The following SZT2 variants were observed in gnomAD, a reference collection of about 807,000 sequenced individuals.
The protein encoded by SZT2 is KICSTOR complex protein SZT2.
SZT2 carries 216 observed loss-of-function variants against 404.2 expected under a neutral mutation model. The ratio of observed to expected loss-of-function variants is 0.53; its 90% CI spans 0.48 to 0.60. The LOEUF is 0.60. SZT2 is among the 20% of genes least tolerant of loss of function. The pLI, the probability that SZT2 is intolerant of heterozygous loss-of-function variation, is 0.00. For missense variants in SZT2, 3,857 were observed against 4,459.2 expected, an observed-to-expected ratio of 0.86 and a Z score of 3.85; for synonymous variants, 1,693 against 1,749.9, an observed-to-expected ratio of 0.97 and a Z score of 0.81.
At position 43,442,232 on chromosome 1, in the gene SZT2, C is replaced by T. The variant is rs773269587; in HGVS notation, c.7874-36C>T. 6.2e-7 allele frequency: 1 copy of T among 1,604,470 alleles called. No individual in the cohort carries two copies. Among genetic ancestry groups the T allele is most frequent in the Admixed American group, 1.7e-5 (1 of 59,272 alleles). On this transcript the variant is annotated intron_variant, in intron 56 of 71. Coordinates refer to ENST00000634258, the MANE Select transcript of SZT2 (RefSeq NM_001365999.1). This position sits in a 1 kb window ranked among gnomAD's most constrained non-coding sequence, Gnocchi z 4.5. ...AGGGTGGGATCAAGGGGGATCTGTT[C>T]CCAGGCCCCTATTGTGCCCCTCCCC...
rs749244836 is a variant in SZT2 at position 43,403,744 on chromosome 1, G to A, written c.297G>A (p.Glu99=). Residue 99 remains glutamate, a synonymous_variant, in exon 3 of 72, where the codon GAG becomes GAA. Coordinates refer to ENST00000634258, the MANE Select transcript of SZT2 (RefSeq NM_001365999.1). ...CTTGGCAGTATCGGTTTGTCATTGA[G>A]TTGGACCTTAGCCCATCTACTGGCA... ...FLAWQYRFVI[E]LDLSPSTGIV... 5.0e-6 allele frequency: 8 copies of A among 1,614,058 alleles called. No homozygotes were observed. Among genetic ancestry groups the A allele is most frequent in the South Asian group, 4.4e-5 (4 of 91,086 alleles).
chr1:43,446,445 G>T lies in SZT2; in HGVS notation c.9072+29G>T, dbSNP rs775416111. ...TGTGAATGAGCTGCGGGCACAGTCAGTGCACCCCAGTGTGCTGTGGGCAGC... is the reference window on the plus strand; with the variant it reads ...TGTGAATGAGCTGCGGGCACAGTCATTGCACCCCAGTGTGCTGTGGGCAGC... On this transcript the variant is annotated intron_variant, in intron 65 of 71. Transcript: ENST00000634258. The T allele has an allele frequency of 3.1e-6, 5 of 1,613,640 alleles. No individual in the cohort carries two copies. In the Admixed American group the frequency reaches 6.7e-5, roughly 22 times the overall value.
Position 43,438,822 on chromosome 1 carries a change from G to C in SZT2, c.6627+5G>C, listed in dbSNP as rs1321160910. Reference sequence around the variant, plus strand: ...CTGACACCAGCTGATGTGGAGGTCAGCTCCCCTCTAGGCACCAGCATCCTT... The same window carrying C: ...CTGACACCAGCTGATGTGGAGGTCACCTCCCCTCTAGGCACCAGCATCCTT... On this transcript the variant is annotated splice_donor_5th_base_variant and intron_variant, in intron 47 of 71. Coordinates refer to ENST00000634258, the MANE Select transcript of SZT2 (RefSeq NM_001365999.1). 4 of 1,612,776 alleles carry C rather than the reference G, an allele frequency of 2.5e-6. No homozygotes were observed. The highest frequency in any genetic ancestry group is 3.4e-6 in the Non-Finnish European group (4 of 1,179,074).
Position 43,432,802 on chromosome 1 carries a change from A to G in SZT2, c.5602+3A>G, listed in dbSNP as rs1320871534. On this transcript the variant is annotated splice_donor_region_variant and intron_variant, in intron 39 of 71. Coordinates refer to ENST00000634258, the MANE Select transcript of SZT2 (RefSeq NM_001365999.1). ...CAGTGTGGACTCAGACCACCTAGGT[A>G]AGCTGGGGGGACGGGGTGAAGGACT... is the stretch of plus-strand genomic sequence containing the variant. 1.2e-6 allele frequency: 2 copies of G among 1,613,450 alleles called. No individual in the cohort carries two copies. Among genetic ancestry groups the G allele is most frequent in the Non-Finnish European group, 1.7e-6 (2 of 1,179,776 alleles).
In SZT2 at chr1:43,433,147, G is replaced by A. The variant is rs992497725; in HGVS notation, c.5761G>A (p.Val1921Ile). The part of the protein sequence containing the change: ...GPCLPDFWLI[V>I]RVLQDRVEVY... ...CTGCCTGCCTGACTTCTGGCTCATT[G>A]TCCGGGTCCTGCAGGACCGTGTGGA... is the stretch of plus-strand genomic sequence containing the variant. The change falls in exon 40 of 72, where the codon GTC becomes ATC. Residue 1921 changes from valine to isoleucine, a missense_variant. Val to Ile is a conservative substitution (Grantham distance 29). Transcript: ENST00000634258. The A allele has an allele frequency of 2.5e-6, 4 of 1,613,960 alleles. No individual in the cohort carries two copies. The highest frequency in any genetic ancestry group is 2.2e-5 in the East Asian group (1 of 44,898).
chr1:43,391,429 G>A (rs839757), intron 1 of SZT2, among the ~76,000 whole-genome samples: 99,833 of 152,120 alleles, frequency 0.66, 32,953 homozygotes, highest in African/African-American at 0.69. Context: ...CATGGTATAA[G>A]TAATAAAGTA....
rs747078636 is a variant in SZT2, at chr1:43,420,772, C to G, written c.1285C>G (p.Leu429Val). ...AGGAGGGTCCCAATTGGAGGTAAAGCTGGTGCTGCTGTGGAAACACAACAT... is the reference window on the plus strand; with the variant it reads ...AGGAGGGTCCCAATTGGAGGTAAAGGTGGTGCTGCTGTGGAAACACAACAT... ...AKGGSQLEVK[L>V]VLLWKHNMRI... The change falls in exon 10 of 72, where the codon CTG becomes GTG. Residue 429 changes from leucine to valine, a missense_variant. Transcript: ENST00000634258. This position sits in a 1 kb window ranked among gnomAD's most constrained non-coding sequence, Gnocchi z 5.1. 2.5e-6 allele frequency: 4 copies of G among 1,598,426 alleles called. No individual in the cohort carries two copies. The South Asian group carries it at 4.4e-5, about 18-fold the overall frequency.
rs112850737 is a variant in SZT2 at position 43,423,987 on chromosome 1, A to G, written c.2256-230A>G. ...AGCAGGGTATGAGTGGTACAGAGGC[A>G]TGGAAGGGCGTGGCTTAGCCGGGTA... On this transcript the variant is annotated intron_variant, in intron 15 of 71. Transcript: ENST00000634258. Among the ~76,000 whole-genome samples, 208 of 105,186 alleles carry G rather than the reference A, an allele frequency of 2.0e-3. No homozygotes were observed. The East Asian group carries it at 0.036, about 18-fold the overall frequency. 69.0% of individuals were successfully genotyped at this position (105,186 alleles called of 152,430 possible).
Position 43,426,767 on chromosome 1 carries a change from C to T in SZT2, c.3267C>T (p.Val1089=), listed in dbSNP as rs147008168. The T allele has an allele frequency of 1.4e-3, 2,235 of 1,613,708 alleles. 33 individuals are homozygous for T. In the East Asian group the frequency reaches 0.021, roughly 15 times the overall value. The change falls in exon 23 of 72, where the codon GTC becomes GTT. Residue 1089 remains valine, a synonymous_variant. Transcript: ENST00000634258. This position sits in a 1 kb window ranked among gnomAD's most constrained non-coding sequence, Gnocchi z 4.9. ...GVHGIPKEQA[V]GSTQATGDSA... is the part of the protein sequence containing the mutation. ...ATGGGATCCCGAAGGAGCAAGCAGT[C>T]GGCAGCACCCAGGCCACAGGAGACT...
chr1:43,415,543 T>G (rs141565001), intron 5 of SZT2, among the ~76,000 whole-genome samples: 2 of 152,246 alleles, frequency 1.3e-5, no homozygotes, highest in African/African-American at 4.8e-5. Flanking sequence ...TAAAGCTGCC[T>G]AGGCCCACTA....
Position 43,425,694 on chromosome 1 carries a change from A to G in SZT2, c.2814+52A>G, listed in dbSNP as rs757092621. 2 of 1,606,362 alleles carry G rather than the reference A, an allele frequency of 1.2e-6. No individual in the cohort carries two copies. Among genetic ancestry groups the G allele is most frequent in the South Asian group, 1.1e-5 (1 of 90,694 alleles). ...ACCTCTCTCACTGGATTGGGGTGCC[A>G]TCTCTTTTGGAGTACTGCAGTCTGT... On this transcript the variant is annotated intron_variant, in intron 19 of 71. Coordinates refer to ENST00000634258, the MANE Select transcript of SZT2 (RefSeq NM_001365999.1). The surrounding 1 kb of genome is among the most constrained non-coding windows in gnomAD (Gnocchi z 4.3).
Position 43,452,060 on chromosome 1 carries a change from TC to T in SZT2, c.*1585del, listed in dbSNP as rs768969523. ...TGAATAGAGCTCCTTCCCAAGTTTG[TC>T]CCCCATCAGTCAGTCACTGGTCAAG... On this transcript the variant is annotated 3_prime_UTR_variant, in exon 72 of 72. Coordinates refer to ENST00000634258, the MANE Select transcript of SZT2 (RefSeq NM_001365999.1). The T allele has an allele frequency of 6.4e-7, 1 of 1,570,862 alleles. No individual in the cohort carries two copies. The highest frequency in any genetic ancestry group is 8.7e-7 in the Non-Finnish European group (1 of 1,150,190).
chr1:43,417,778 A>G (rs748903491), intron 7 of SZT2, among the ~76,000 whole-genome samples: 7 of 152,200 alleles, frequency 4.6e-5, no homozygotes, highest in Non-Finnish European at 1.0e-4. Flanking sequence ...CTTGAGAGGT[A>G]GAGATTTAAG....
At position 43,448,453 on chromosome 1, in the gene SZT2, C is replaced by T. The variant is rs201695619; in HGVS notation, c.9938C>T (p.Ala3313Val). The change falls in exon 69 of 72, where the codon GCC (alanine) becomes GTC (valine). Residue 3313 changes from alanine (A) to valine (V), a missense_variant. Physicochemically the swap from Ala to Val is moderately conservative, Grantham distance 64 (BLOSUM62 0). This residue lies in a region of SZT2 where 717 missense variants were observed against 868.2 expected (regional missense o/e 0.83). Coordinates refer to ENST00000634258, the MANE Select transcript of SZT2 (RefSeq NM_001365999.1). This position sits in a 1 kb window ranked among gnomAD's most constrained non-coding sequence, Gnocchi z 4.2. The stretch of plus-strand genomic sequence containing the variant: ...GAGGAACTCCTAGAAGCAGTCCATG[C>T]CAAATCCATTGGGGACATCGACCCC... ...ELEELLEAVH[A>V]KSIGDIDPQL... is the part of the protein sequence containing the mutation. 71 of 1,610,164 alleles carry T rather than the reference C, an allele frequency of 4.4e-5. 1 individual carries two copies. The East Asian group carries it at 1.1e-3, about 25-fold the overall frequency.
chr1:43,420,661 T>G lies in SZT2; in HGVS notation c.1262-88T>G. 177 of 1,280,148 alleles carry G rather than the reference T, an allele frequency of 1.4e-4. No homozygotes were observed. The highest frequency in any genetic ancestry group is 2.6e-4 in the Middle Eastern group (1 of 3,830). 79.3% of individuals were successfully genotyped at this position (1,280,148 alleles called of 1,614,324 possible). Reference sequence around the variant, plus strand: ...GAACCTTTGGCAGGACTGGGTTCCATGAGGTAGGTGGGGGTTTCAGATAGA... The same window carrying G: ...GAACCTTTGGCAGGACTGGGTTCCAGGAGGTAGGTGGGGGTTTCAGATAGA... On this transcript the variant is annotated intron_variant, in intron 9 of 71. Transcript: ENST00000634258. The surrounding 1 kb of genome is among the most constrained non-coding windows in gnomAD (Gnocchi z 5.1).
intron 28 of SZT2, 89 bp downstream of exon 28, chr1:43,428,575 C>G: frequency 6.6e-7 from 1 of 1,522,402 alleles, no homozygotes; most frequent in Non-Finnish European, 8.8e-7. Flanking sequence ...AATGACTGTG[C>G]AAGGTAGTAT....
At chr1:43,408,697 C>T (rs537268962) in intron 4 of SZT2, among the ~76,000 whole-genome samples, 1 of 152,198 alleles carries the variant, frequency 6.6e-6, no homozygotes, top group South Asian at 2.1e-4. Context: ...TATGTTTAGC[C>T]AGCCCCTACT....
In SZT2 at chr1:43,432,818, G is replaced by GT. The variant is rs1380778159; in HGVS notation, c.5602+20dup. ...CACCTAGGTAAGCTGGGGGGACGGG[G>GT]TGAAGGACTCTAAGCTGATGGGAGG... On this transcript the variant is annotated intron_variant, in intron 39 of 71. Coordinates refer to ENST00000634258, the MANE Select transcript of SZT2 (RefSeq NM_001365999.1). 6.2e-7 allele frequency: 1 copy of GT among 1,613,266 alleles called. No homozygotes were observed. The highest frequency in any genetic ancestry group is 1.7e-5 in the Admixed American group (1 of 59,922).
chr1:43,453,559 C>G lies in SZT2; in HGVS notation c.*3079C>G. ...ACTCCCCTGCCCGCGCCCCGGCACC[C>G]CCCAGCCCTCCCAGCCCTCCCGGCC... On this transcript the variant is annotated 3_prime_UTR_variant, in exon 72 of 72. Coordinates refer to ENST00000634258, the MANE Select transcript of SZT2 (RefSeq NM_001365999.1). The G allele has an allele frequency of 8.6e-6, 13 of 1,519,600 alleles. No homozygotes were observed. The highest frequency in any genetic ancestry group is 1.2e-5 in the Non-Finnish European group (13 of 1,129,882). 94.1% of individuals were successfully genotyped at this position (1,519,600 alleles called of 1,614,324 possible).
Sources: allele counts gnomAD v4.1 joint callset (sites outside exome capture counted in the v4.1 genomes callset), GRCh38; gene constraint gnomAD v4.1.1; regional missense constraint gnomAD v4.1.1; non-coding constraint Gnocchi (gnomAD v3.1); transcripts MANE v1.5; gene names NCBI Gene and HGNC (gene_info 2026-07-23, HGNC 2026-07-21).